URGCP: variants seen among roughly 807,000 people sequenced by gnomAD.
The protein encoded by URGCP is upregulator of cell proliferation.
URGCP carries 13 observed loss-of-function variants against 24.6 expected under a neutral mutation model. That is an observed-to-expected ratio of 0.53 (90% CI 0.34 to 0.84). The LOEUF is 0.84. Ranked by LOEUF, URGCP falls within the 40% of genes least tolerant of loss-of-function variation. The pLI is 0.01. For synonymous variants in URGCP, 444 were observed against 487.2 expected (o/e 0.91, Z 1.17); for missense variants, 899 against 1,194.3 (o/e 0.75, Z 3.64).
intron 1 of URGCP, among the ~76,000 whole-genome samples, chr7:43,922,174 G>A (rs1045049540): frequency 1.3e-5 from 2 of 152,026 alleles, no homozygotes; most frequent in African/African-American, 2.4e-5. Flanking sequence ...AAGCGATTCT[G>A]CCTCAGCCTC....
chr7:43,888,027 A>G, intron 1 of URGCP: 1 of 544,912 alleles, frequency 1.8e-6, no homozygotes, highest in East Asian at 3.1e-5. Flanking sequence ...TAGTCGGGGG[A>G]AAGTCAGGCT....
upstream of URGCP, chr7:43,926,442 CCCGGCGTGCAGCTTGGTGGCGGCTG>C: frequency 8.4e-7 from 1 of 1,190,264 alleles, no homozygotes; most frequent in African/African-American, 1.6e-5. Context: ...GGCTGCGGCT[CCCGGCGTGCAGCTTGGTGGCGGCTG>C]AGCCGGCAGC....
In URGCP at chr7:43,878,641, G is replaced by A; in HGVS notation, c.822C>T (p.Ser274=). 1 of 1,613,460 alleles carries A rather than the reference G, an allele frequency of 6.2e-7. No homozygotes were observed. The change falls in exon 6 of 6, where the codon TCC becomes TCT. Residue 274 remains serine (S), a synonymous_variant. Transcript: ENST00000453200. This position sits in a 1 kb window ranked among gnomAD's most constrained non-coding sequence, Gnocchi z 5.6. The part of the protein sequence containing the change: ...AFVRMDVSSN[S]KSQLLNAVLS... Reference sequence around the variant, plus strand: ...GGACGGCGTTGAGAAGCTGGGACTTGGAGTTGCTACTGACGTCCATGCGCA... The same window carrying A: ...GGACGGCGTTGAGAAGCTGGGACTTAGAGTTGCTACTGACGTCCATGCGCA...
intron 2 of URGCP, 114 bp downstream of exon 2, chr7:43,887,676 G>A: frequency 6.7e-7 from 1 of 1,495,016 alleles, no homozygotes; most frequent in Non-Finnish European, 8.9e-7. Flanking sequence ...TGCCCTCAAT[G>A]ATTCTGATAT....
intron 1 of URGCP, among the ~76,000 whole-genome samples, chr7:43,925,688 CG>C (rs2095928674): frequency 6.6e-6 from 1 of 151,212 alleles, no homozygotes; most frequent in Non-Finnish European, 1.5e-5. Flanking sequence ...TTAGTAGAGA[CG>C]GAGTTTCAGC....
At chr7:43,910,112 C>T (rs28766121), upstream of URGCP, among the ~76,000 whole-genome samples, 17,494 of 152,022 alleles carry the variant, frequency 0.12, 1,161 homozygotes, top group Admixed American at 0.18. Flanking sequence ...TTGTGGCTCA[C>T]ACCTATAATC....
chr7:43,884,795 A>G (rs1480617627), intron 3 of URGCP, among the ~76,000 whole-genome samples: 1 of 152,206 alleles, frequency 6.6e-6, no homozygotes, highest in Non-Finnish European at 1.5e-5. Flanking sequence ...GATGGCCACC[A>G]CTGTACTCCG....
intron 1 of URGCP, among the ~76,000 whole-genome samples, chr7:43,902,071 A>C (rs1287881185): frequency 6.6e-6 from 1 of 151,402 alleles, no homozygotes; most frequent in Non-Finnish European, 1.5e-5. Flanking sequence ...GGCGAGAGGA[A>C]AGAAAAGGAG....
At chr7:43,910,140 C>A (rs1585835120), upstream of URGCP, among the ~76,000 whole-genome samples, 2 of 149,362 alleles carry the variant, frequency 1.3e-5, no homozygotes, top group East Asian at 4.1e-4. Flanking sequence ...TTTGGGAGGC[C>A]AAGGCAGAAA....
intron 1 of URGCP, among the ~76,000 whole-genome samples, chr7:43,917,023 G>A (rs1370403610): frequency 6.6e-6 from 1 of 152,138 alleles, no homozygotes; most frequent in Admixed American, 6.5e-5. Flanking sequence ...TCCCCATGCT[G>A]TGGGATGCTC....
At chr7:43,893,017 C>T (rs548710356) in intron 1 of URGCP, among the ~76,000 whole-genome samples, 1 of 152,034 alleles carries the variant, frequency 6.6e-6, no homozygotes, top group African/African-American at 2.4e-5. Flanking sequence ...AACGAGACCC[C>T]TATCTCTACA....
chr7:43,878,136 A>G lies in URGCP; in HGVS notation c.1327T>C (p.Cys443Arg). 6.2e-7 allele frequency: 1 copy of G among 1,614,232 alleles called. No individual in the cohort carries two copies. Among genetic ancestry groups the G allele is most frequent in the Non-Finnish European group, 8.5e-7 (1 of 1,180,038 alleles). The stretch of plus-strand genomic sequence containing the variant: ...ATGTCCTCCACAGATACCCGCCTGC[A>G]GGGTGCCCGCAGCACATTCCCAACG... ...AIVGNVLRAP[C>R]RRVSVEDMAH... Residue 443 changes from cysteine (C) to arginine (R), a missense_variant, in exon 6 of 6, where the codon TGC becomes CGC. By Grantham distance (180) the Cys-to-Arg change is radical (BLOSUM62 -3). Transcript: ENST00000453200. This position sits in a 1 kb window ranked among gnomAD's most constrained non-coding sequence, Gnocchi z 5.6.
intron 1 of URGCP, among the ~76,000 whole-genome samples, chr7:43,899,449 T>TAA (rs976181768): frequency 2.6e-5 from 4 of 151,880 alleles, no homozygotes; most frequent in Non-Finnish European, 4.4e-5. Flanking sequence ...CAATTCTCTC[T>TAA]AAATTAACCT....
intron 1 of URGCP, chr7:43,906,315 AC>A (rs1179989892): frequency 5.5e-6 from 1 of 181,686 alleles, no homozygotes; most frequent in Non-Finnish European, 1.0e-5. Context: ...GCGTACCCGG[AC>A]CCCCGCATCC....
At chr7:43,887,692 C>A in intron 2 of URGCP, 98 bp downstream of exon 2, 1 of 1,513,316 alleles carries the variant, frequency 6.6e-7, no homozygotes, top group Non-Finnish European at 8.8e-7. Flanking sequence ...GATATGCACC[C>A]ACAGTTGAGA....
chr7:43,879,001 C>A lies in URGCP; in HGVS notation c.462G>T (p.Glu154Asp), dbSNP rs549264023. The A allele has an allele frequency of 1.1e-5, 17 of 1,614,198 alleles. No individual in the cohort carries two copies. In the Admixed American group the frequency reaches 2.0e-4, roughly 19 times the overall value. ...CATCAGCTGGGTCCCAGTAGATGAT[C>A]TCCTCTTCCATCTGGCTCTCCTTCT... ...PVEKESQMEEEIIYWDPADDL... is the reference protein window; with the variant it reads ...PVEKESQMEEDIIYWDPADDL... Residue 154 changes from glutamate (E) to aspartate (D), a missense_variant, in exon 6 of 6, where the codon GAG (glutamate) becomes GAT (aspartate). Transcript: ENST00000453200.
chr7:43,893,487 C>T (rs1204559875), intron 1 of URGCP, among the ~76,000 whole-genome samples: 1 of 152,184 alleles, frequency 6.6e-6, no homozygotes, highest in Non-Finnish European at 1.5e-5. Context: ...TACCATTGTG[C>T]TCCAACTAAA....
At chr7:43,895,749 AAGTT>A (rs2095877409) in intron 1 of URGCP, among the ~76,000 whole-genome samples, 1 of 152,246 alleles carries the variant, frequency 6.6e-6, no homozygotes, top group African/African-American at 2.4e-5. Flanking sequence ...GTGGGAATGT[AAGTT>A]AGTACAGCCT....
At chr7:43,921,823 C>A (rs2095922815) in intron 1 of URGCP, among the ~76,000 whole-genome samples, 2 of 151,944 alleles carry the variant, frequency 1.3e-5, no homozygotes, top group Admixed American at 1.3e-4. Context: ...TGTGTGTGAA[C>A]ACTAAATTCA....
Sources: gnomAD v4.1 joint callset for allele counts (sites outside exome capture counted in the v4.1 genomes callset) on GRCh38, gnomAD v4.1.1 for gene constraint, Gnocchi (gnomAD v3.1) non-coding constraint, MANE v1.5 for transcripts, NCBI Gene and HGNC (gene_info 2026-07-23, HGNC 2026-07-21) for gene names.